GJA5: variants seen among roughly 807,000 people sequenced by gnomAD.
The protein encoded by GJA5 is gap junction protein alpha 5, also known as gap junction alpha-5 protein.
GJA5 carries 3 observed loss-of-function variants against 7.9 expected under a neutral mutation model. The observed-to-expected ratio is 0.38, with a 90% CI of 0.17 to 0.99. The LOEUF (loss-of-function observed/expected upper bound fraction) is 0.99, where lower values mean the gene tolerates loss of function less well. Ranked by LOEUF, GJA5 falls within the 50% of genes least tolerant of loss-of-function variation. The probability of loss-of-function intolerance (pLI) is 0.38; values close to 1 mark genes in which losing one functional copy is unlikely to be tolerated. For missense variants in GJA5, 390 were observed against 457.9 expected (o/e 0.85, Z 1.35); for synonymous variants, 193 against 181.0 (o/e 1.07, Z -0.53).
rs1487739192 is a variant in GJA5 at position 147,759,092 on chromosome 1, C to T, written c.147G>A (p.Gln49=). ...GAATCGTATCACACCGGAAATCAGC[C>T]TGCTCATCCCCCCAGGAAGACTCAG... ...TAAESSWGDE[Q]ADFRCDTIQP... The change falls in exon 2 of 2, where the codon CAG becomes CAA. Residue 49 remains glutamine, a synonymous_variant. Transcript: ENST00000579774. 3 of 1,612,574 alleles carry T rather than the reference C, an allele frequency of 1.9e-6. No homozygotes were observed. In the Admixed American group the frequency reaches 5.0e-5, roughly 27 times the overall value.
upstream of GJA5, among the ~76,000 whole-genome samples, chr1:147,761,429 AG>A (rs1427762772): frequency 1.3e-5 from 2 of 152,158 alleles, no homozygotes; most frequent in African/African-American, 4.8e-5. Flanking sequence ...TTGCCTTGAC[AG>A]GGACCAACCT....
At position 147,758,847 on chromosome 1, in the gene GJA5, G is replaced by A. The variant is rs781987662; in HGVS notation, c.392C>T (p.Ala131Val). The A allele has an allele frequency of 1.2e-6, 2 of 1,614,216 alleles. No homozygotes were observed. Among genetic ancestry groups the A allele is most frequent in the Non-Finnish European group, 8.5e-7 (1 of 1,180,036 alleles). Residue 131 changes from alanine to valine, a missense_variant, in exon 2 of 2, where the codon GCA (alanine) becomes GTA (valine). By Grantham distance (64) the Ala-to-Val change is moderately conservative. Coordinates refer to ENST00000579774, the MANE Select transcript of GJA5 (RefSeq NM_181703.4). The stretch of plus-strand genomic sequence containing the variant: ...CCCTTCCTCCCAGCAGGACAGTTCT[G>A]CCTTCTCTGCCACCGGGTACTCGTA... The part of the protein sequence containing the change: ...GSYEYPVAEK[A>V]ELSCWEEGNG...
chr1:147,758,889 A>T lies in GJA5; in HGVS notation c.350T>A (p.Val117Asp). The T allele has an allele frequency of 1.9e-6, 3 of 1,614,098 alleles. No individual in the cohort carries two copies. Among genetic ancestry groups the T allele is most frequent in the East Asian group, 4.5e-5 (2 of 44,866 alleles). The change falls in exon 2 of 2, where the codon GTC (valine) becomes GAC (aspartate). Residue 117 changes from valine to aspartate, a missense_variant. Val to Asp is a radical substitution (Grantham distance 152). This residue lies in a region of GJA5 where 354 missense variants were observed against 370.9 expected (regional missense o/e 0.95). Coordinates refer to ENST00000579774, the MANE Select transcript of GJA5 (RefSeq NM_181703.4). ...GTACTCGTAAGAGCCAGAGCCCCGGACCTCTTTGGCCCTCTCGGCCTCCCG... is the reference window on the plus strand; with the variant it reads ...GTACTCGTAAGAGCCAGAGCCCCGGTCCTCTTTGGCCCTCTCGGCCTCCCG... ...KLREAERAKEVRGSGSYEYPV... is the reference protein window; with the variant it reads ...KLREAERAKEDRGSGSYEYPV...
upstream of GJA5, among the ~76,000 whole-genome samples, chr1:147,761,295 C>T (rs587672530): frequency 1.3e-5 from 2 of 152,164 alleles, no homozygotes; most frequent in South Asian, 4.2e-4. Flanking sequence ...AAACTTTGAC[C>T]GTCATATCTT....
At chr1:147,762,011 A>G (rs1255382814), upstream of GJA5, among the ~76,000 whole-genome samples, 1 of 152,230 alleles carries the variant, frequency 6.6e-6, no homozygotes, top group Non-Finnish European at 1.5e-5. Flanking sequence ...CACTTTCCTC[A>G]CCTGCAAAAT....
At chr1:147,769,451 G>A (rs749917686) in intron 1 of GJA5, among the ~76,000 whole-genome samples, 221 of 152,344 alleles carry the variant, frequency 1.5e-3, no homozygotes, top group Non-Finnish European at 2.6e-3. Context: ...CTAACAAATA[G>A]GAATGTTTAT....
chr1:147,759,907 A>G (rs587612257), intron 1 of GJA5, among the ~76,000 whole-genome samples: 1 of 152,282 alleles, frequency 6.6e-6, no homozygotes, highest in South Asian at 2.1e-4. Flanking sequence ...GGGCAGAACT[A>G]GGTGGAGGAG....
chr1:147,767,233 C>T (rs1377904138), intron 1 of GJA5, among the ~76,000 whole-genome samples: 1 of 151,924 alleles, frequency 6.6e-6, no homozygotes, highest in African/African-American at 2.4e-5. Flanking sequence ...CCCAGTTACA[C>T]ACACAAAAAA....
At chr1:147,763,813 C>CTT (rs1372820360), upstream of GJA5, among the ~76,000 whole-genome samples, 3 of 152,128 alleles carry the variant, frequency 2.0e-5, no homozygotes, top group South Asian at 2.1e-4. Flanking sequence ...TCCAGTGCTT[C>CTT]TTTTTTTCTT....
rs990596368 is a variant in GJA5, at chr1:147,757,926, C to T, written c.*236G>A. 5.3e-6 allele frequency: 3 copies of T among 566,036 alleles called. No homozygotes were observed. Among genetic ancestry groups the T allele is most frequent in the Admixed American group, 3.1e-5 (1 of 32,742 alleles). 35.1% of individuals were successfully genotyped at this position (566,036 alleles called of 1,614,324 possible). On this transcript the variant is annotated 3_prime_UTR_variant, in exon 2 of 2. Transcript: ENST00000579774. The stretch of plus-strand genomic sequence containing the variant: ...GTTTCATGAGTAATCTGAAAGGCTT[C>T]GTATACTGGGTAGAGGGTGGGGAGG...
chr1:147,761,819 G>A (rs1417358989), upstream of GJA5, among the ~76,000 whole-genome samples: 1 of 152,204 alleles, frequency 6.6e-6, no homozygotes, highest in Non-Finnish European at 1.5e-5. Flanking sequence ...GAGAAAAAGA[G>A]GGAGGGAGAG....
At chr1:147,760,231 C>G (rs1553227244) in intron 1 of GJA5, among the ~76,000 whole-genome samples, 2 of 152,090 alleles carry the variant, frequency 1.3e-5, no homozygotes, top group African/African-American at 4.8e-5. Flanking sequence ...AATAAATGTC[C>G]CAAAACTTTA....
Position 147,758,867 on chromosome 1 carries a change from C to G in GJA5, c.372G>C (p.Glu124Asp). Reference sequence around the variant, plus strand: ...GTTCTGCCTTCTCTGCCACCGGGTACTCGTAAGAGCCAGAGCCCCGGACCT... The same window carrying G: ...GTTCTGCCTTCTCTGCCACCGGGTAGTCGTAAGAGCCAGAGCCCCGGACCT... The part of the protein sequence containing the change: ...AKEVRGSGSY[E>D]YPVAEKAELS... The change falls in exon 2 of 2, where the codon GAG becomes GAC. Residue 124 changes from glutamate (E) to aspartate (D), a missense_variant. This residue lies in a region of GJA5 where 354 missense variants were observed against 370.9 expected (regional missense o/e 0.95). Transcript: ENST00000579774. 1 of 1,614,224 alleles carries G rather than the reference C, an allele frequency of 6.2e-7. No homozygotes were observed. Among genetic ancestry groups the G allele is most frequent in the Non-Finnish European group, 8.5e-7 (1 of 1,180,030 alleles).
At chr1:147,764,708 C>T (rs148500480), upstream of GJA5, among the ~76,000 whole-genome samples, 908 of 151,666 alleles carry the variant, frequency 6.0e-3, 6 homozygotes, top group African/African-American at 0.021. Context: ...CCTGTAATCC[C>T]AGCTACTCAG....
chr1:147,759,863 T>C (rs1388511636), intron 1 of GJA5, among the ~76,000 whole-genome samples: 1 of 152,186 alleles, frequency 6.6e-6, no homozygotes, highest in Non-Finnish European at 1.5e-5. Context: ...TAAATGGCTG[T>C]TGGATGGAAA....
chr1:147,765,901 C>T (rs1664184768), intron 1 of GJA5, among the ~76,000 whole-genome samples: 1 of 152,168 alleles, frequency 6.6e-6, no homozygotes, highest in African/African-American at 2.4e-5. Context: ...CCTCCCAGCA[C>T]ACTTGCTGTG....
At chr1:147,768,737 C>A (rs111917310) in intron 1 of GJA5, among the ~76,000 whole-genome samples, 43 of 152,256 alleles carry the variant, frequency 2.8e-4, no homozygotes, top group Admixed American at 4.6e-4. Context: ...TACTTTCTAA[C>A]CCTCCCATTA....
intron 1 of GJA5, 28 bp from the exon 2 acceptor site, chr1:147,759,299 A>G: frequency 3.6e-6 from 4 of 1,115,000 alleles, no homozygotes; most frequent in Middle Eastern, 2.0e-4. Flanking sequence ...AGAAAGAGAG[A>G]AAAGAAGAAG....
intron 1 of GJA5, among the ~76,000 whole-genome samples, chr1:147,772,499 G>A (rs1445477470): frequency 6.6e-6 from 1 of 152,144 alleles, no homozygotes; most frequent in Non-Finnish European, 1.5e-5. Flanking sequence ...CTGCTACAAG[G>A]CCTCCCAGCC....
Sources: allele counts gnomAD v4.1 joint callset (sites outside exome capture counted in the v4.1 genomes callset), GRCh38; gene constraint gnomAD v4.1.1; regional missense constraint gnomAD v4.1.1; transcripts MANE v1.5; gene names NCBI Gene and HGNC (gene_info 2026-07-23, HGNC 2026-07-21).